The following AAR2 variants were observed in gnomAD, a reference collection of about 807,000 sequenced individuals.
AAR2 encodes AAR2 splicing factor.
In AAR2, 31 loss-of-function variants were observed where a neutral mutation model predicts 26.9. That is an observed-to-expected ratio of 1.15 (90% CI 0.86 to 1.55). The LOEUF (loss-of-function observed/expected upper bound fraction) is 1.55. Ranked by LOEUF, AAR2 falls within the 40% of genes most tolerant of loss-of-function variation. The pLI is 0.00. For synonymous variants in AAR2, 188 were observed against 196.1 expected (o/e 0.96, Z 0.34); for missense variants, 430 against 491.3 (o/e 0.88, Z 1.18).
intron 1 of AAR2, among the ~76,000 whole-genome samples, chr20:36,239,593 A>G (rs2147285154): frequency 6.6e-6 from 1 of 152,302 alleles, no homozygotes; most frequent in South Asian, 2.1e-4. Context: ...TTTCACTGGT[A>G]TCTTATAGCT....
At chr20:36,254,794 G>A (rs190264659) in intron 3 of AAR2, among the ~76,000 whole-genome samples, 8 of 152,228 alleles carry the variant, frequency 5.3e-5, no homozygotes, top group East Asian at 3.9e-4. Flanking sequence ...CAGATATACC[G>A]TAAGTAAAAA....
At position 36,239,838 on chromosome 20, in the gene AAR2, AG is replaced by A. The variant is rs2064656050; in HGVS notation, c.-28del. 1 of 1,523,894 alleles carries A rather than the reference AG, an allele frequency of 6.6e-7. No individual in the cohort carries two copies. The highest frequency in any genetic ancestry group is 1.4e-5 in the African/African-American group (1 of 71,802). The allele number at this position is 1,523,894 out of a possible 1,614,324, so 94.4% of individuals were successfully genotyped here. On this transcript the variant is annotated 5_prime_UTR_variant, in exon 2 of 4. Coordinates refer to ENST00000320849, the MANE Select transcript of AAR2 (RefSeq NM_001271874.2). ...TTTCTCAGCTGTTCATCAAAGAAAA[AG>A]GGTTCTTTTGGTCACCCACCACTGG...
At chr20:36,238,882 TG>T (rs1569422858) in intron 1 of AAR2, among the ~76,000 whole-genome samples, 1 of 152,140 alleles carries the variant, frequency 6.6e-6, no homozygotes, top group African/African-American at 2.4e-5. Flanking sequence ...TGATGTTTTT[TG>T]GGGGCCTGGC....
rs750676328 is a variant in AAR2 at position 36,240,291 on chromosome 20, C to T, written c.423C>T (p.Ser141=). 45 of 1,614,198 alleles carry T rather than the reference C, an allele frequency of 2.8e-5. No individual in the cohort carries two copies. Among genetic ancestry groups the T allele is most frequent in the Non-Finnish European group, 3.7e-5 (44 of 1,180,036 alleles). ...KKWISLTNFI[S]EATVEKLQPE... is the part of the protein sequence containing the mutation. ...GGATCTCACTCACCAACTTCATCAGCGAAGCCACAGTGGAGAAGCTACAGC... is the reference window on the plus strand; with the variant it reads ...GGATCTCACTCACCAACTTCATCAGTGAAGCCACAGTGGAGAAGCTACAGC... Residue 141 remains serine, a synonymous_variant, in exon 2 of 4, where the codon AGC becomes AGT. Coordinates refer to ENST00000320849, the MANE Select transcript of AAR2 (RefSeq NM_001271874.2).
intron 3 of AAR2, among the ~76,000 whole-genome samples, chr20:36,252,421 G>A (rs2064787351): frequency 6.6e-6 from 1 of 152,164 alleles, no homozygotes; most frequent in South Asian, 2.1e-4. Context: ...TGGTGGACAA[G>A]ATCAACAGCA....
intron 2 of AAR2, among the ~76,000 whole-genome samples, chr20:36,241,505 G>A (rs1490242216): frequency 6.6e-6 from 1 of 152,136 alleles, no homozygotes; most frequent in East Asian, 1.9e-4. Context: ...ATCATCAAGT[G>A]GCCGGGTGTG....
chr20:36,250,520 A>G (rs1412984652), intron 3 of AAR2, among the ~76,000 whole-genome samples: 1 of 152,254 alleles, frequency 6.6e-6, no homozygotes, highest in Non-Finnish European at 1.5e-5. Context: ...TTGGAAACTA[A>G]GTACTATTTA....
At chr20:36,252,440 G>A (rs184012349) in intron 3 of AAR2, among the ~76,000 whole-genome samples, 1 of 152,322 alleles carries the variant, frequency 6.6e-6, no homozygotes, top group African/African-American at 2.4e-5. Context: ...CAAATGGCCT[G>A]TTAGCTTACT....
intron 2 of AAR2, among the ~76,000 whole-genome samples, chr20:36,241,280 C>T (rs2064678455): frequency 6.6e-6 from 1 of 151,930 alleles, no homozygotes; most frequent in Admixed American, 6.6e-5. Context: ...CTATGTACTT[C>T]CTCTCAGTCT....
At chr20:36,242,796 A>G (rs1696701144) in intron 2 of AAR2, among the ~76,000 whole-genome samples, 1 of 151,032 alleles carries the variant, frequency 6.6e-6, no homozygotes, top group African/African-American at 2.4e-5. Context: ...CCTCTTAAAC[A>G]TTTCAATTCT....
At chr20:36,250,241 C>T (rs1027535410) in intron 3 of AAR2, among the ~76,000 whole-genome samples, 1 of 152,098 alleles carries the variant, frequency 6.6e-6, no homozygotes, top group South Asian at 2.1e-4. Context: ...AGTGTTCATG[C>T]TTTATTTTGT....
Position 36,255,741 on chromosome 20 carries a change from G to T in AAR2, c.1151G>T (p.Gly384Val). ...GAGCTCCCTGAGGGCATCGAGATGG[G>T]CTAACTCGGGGAGCGCTCTCAGCTG... ...VVELPEGIEM[G>V] Residue 384 changes from glycine (G) to valine (V), a missense_variant, in exon 4 of 4, where the codon GGC becomes GTC. By Grantham distance (109) the Gly-to-Val change is moderately radical. Coordinates refer to ENST00000320849, the MANE Select transcript of AAR2 (RefSeq NM_001271874.2). 3 of 1,614,126 alleles carry T rather than the reference G, an allele frequency of 1.9e-6. No individual in the cohort carries two copies. Among genetic ancestry groups the T allele is most frequent in the Non-Finnish European group, 2.5e-6 (3 of 1,180,020 alleles).
At position 36,255,841 on chromosome 20, in the gene AAR2, C is replaced by T. The variant is rs938473447; in HGVS notation, c.*96C>T. On this transcript the variant is annotated 3_prime_UTR_variant, in exon 4 of 4. Coordinates refer to ENST00000320849, the MANE Select transcript of AAR2 (RefSeq NM_001271874.2). Reference sequence around the variant, plus strand: ...CTTCCCATCCTGGGACCTGCCAGGGCAGCAATCTCTCCAGGTCCTGCAAAG... The same window carrying T: ...CTTCCCATCCTGGGACCTGCCAGGGTAGCAATCTCTCCAGGTCCTGCAAAG... 57 of 1,436,170 alleles carry T rather than the reference C, an allele frequency of 4.0e-5. No homozygotes were observed. The Middle Eastern group carries it at 6.5e-4, about 16-fold the overall frequency. 89.0% of individuals were successfully genotyped at this position (1,436,170 alleles called of 1,614,324 possible).
chr20:36,253,304 T>A (rs986228969), intron 3 of AAR2, among the ~76,000 whole-genome samples: 3 of 152,174 alleles, frequency 2.0e-5, no homozygotes, highest in Non-Finnish European at 4.4e-5. Context: ...AACTGTGGCA[T>A]GAGGGCGATG....
intron 2 of AAR2, among the ~76,000 whole-genome samples, chr20:36,242,854 G>GTTT (rs766390749): frequency 3.2e-4 from 39 of 120,976 alleles, no homozygotes; most frequent in African/African-American, 6.3e-4. Context: ...AACTTTGTTG[G>GTTT]TTTTTTTTTT....
Position 36,249,183 on chromosome 20 carries a change from A to AT in AAR2, c.987+4265dup, listed in dbSNP as rs558787432. ...CGTAATGGAATTCTCTTAGCCATTA[A>AT]TTTTTTTTCAACTTTCCCATGTGAG... On this transcript the variant is annotated intron_variant, in intron 3 of 3. Transcript: ENST00000320849. Among the ~76,000 whole-genome samples the AT allele has an allele frequency of 2.9e-4, 44 of 152,116 alleles. 1 individual carries two copies. In the East Asian group the frequency reaches 8.3e-3, roughly 29 times the overall value.
intron 3 of AAR2, among the ~76,000 whole-genome samples, chr20:36,254,888 A>G (rs1345333129): frequency 6.6e-6 from 1 of 152,208 alleles, no homozygotes; most frequent in African/African-American, 2.4e-5. Flanking sequence ...ACACTAGCCT[A>G]CAGTTGTGCA....
At chr20:36,247,399 G>T (rs538992866) in intron 3 of AAR2, among the ~76,000 whole-genome samples, 5 of 152,108 alleles carry the variant, frequency 3.3e-5, no homozygotes, top group Non-Finnish European at 7.4e-5. Context: ...TCCTCATTGC[G>T]TGGAAAATTA....
intron 1 of AAR2, among the ~76,000 whole-genome samples, chr20:36,239,237 G>A (rs113477874): frequency 0.02 from 2,988 of 152,224 alleles, 31 homozygotes; most frequent in Non-Finnish European, 0.028. Context: ...GGAGATTTGT[G>A]GTAGGAAAGC....
Sources: gnomAD v4.1 joint callset for allele counts (sites outside exome capture counted in the v4.1 genomes callset) on GRCh38, gnomAD v4.1.1 for gene constraint, MANE v1.5 for transcripts, NCBI Gene and HGNC (gene_info 2026-07-23, HGNC 2026-07-21) for gene names.